CENPP: variants seen among roughly 807,000 people sequenced by gnomAD.
CENPP encodes centromere protein P.
CENPP carries 24 observed loss-of-function variants against 35.6 expected under a neutral mutation model. The ratio of observed to expected loss-of-function variants is 0.67; its 90% confidence interval spans 0.49 to 0.95. The LOEUF (loss-of-function observed/expected upper bound fraction) is 0.95. CENPP is among the 40% of genes least tolerant of loss of function. CENPP has a pLI of 0.00. For missense variants in CENPP, 332 were observed against 345.3 expected, an observed-to-expected ratio of 0.96 and a Z score of 0.31; for synonymous variants, 120 against 125.5, an observed-to-expected ratio of 0.96 and a Z score of 0.29.
chr9:92,378,527 C>T (rs1388223914), intron 4 of CENPP, among the ~76,000 whole-genome samples: 1 of 152,144 alleles, frequency 6.6e-6, no homozygotes, highest in Non-Finnish European at 1.5e-5. Context: ...TTTCTTCATT[C>T]CACATTTCAG....
Position 92,339,483 on chromosome 9 carries a change from A to G in CENPP, c.378+1854A>G, listed in dbSNP as rs1280479550. Among the ~76,000 whole-genome samples the G allele has an allele frequency of 2.6e-5, 4 of 151,756 alleles. No individual in the cohort carries two copies. The East Asian group carries it at 7.7e-4, about 29-fold the overall frequency. ...GCTGAGGATGGGCTAGGGGTTGTCT[A>G]GACCCCCTCATTTGATGGCAAAGCT... On this transcript the variant is annotated intron_variant, in intron 3 of 7. Coordinates refer to ENST00000375587, the MANE Select transcript of CENPP (RefSeq NM_001012267.3).
At chr9:92,488,916 C>T (rs1846119669) in intron 5 of CENPP, among the ~76,000 whole-genome samples, 1 of 152,152 alleles carries the variant, frequency 6.6e-6, no homozygotes, top group East Asian at 1.9e-4. Context: ...TGTGTGGATT[C>T]ACATTCTTCA....
chr9:92,563,169 A>G (rs544853845), intron 5 of CENPP, among the ~76,000 whole-genome samples: 7 of 152,184 alleles, frequency 4.6e-5, no homozygotes, highest in Non-Finnish European at 8.8e-5. Flanking sequence ...TACAAGGATT[A>G]TTCTTTTAAA....
At chr9:92,514,858 T>C in intron 5 of CENPP, 1 of 1,612,424 alleles carries the variant, frequency 6.2e-7, no homozygotes, top group South Asian at 1.1e-5. Context: ...ACCCTCCTCC[T>C]CCTCATCCTC....
chr9:92,553,665 A>G (rs1366915244), intron 5 of CENPP, among the ~76,000 whole-genome samples: 1 of 151,918 alleles, frequency 6.6e-6, no homozygotes. Context: ...TTATTTATTT[A>G]TTTTTGCAGT....
chr9:92,497,685 A>G (rs928535060), intron 5 of CENPP, among the ~76,000 whole-genome samples: 5 of 151,654 alleles, frequency 3.3e-5, no homozygotes, highest in Admixed American at 2.6e-4. Context: ...CACATACCCC[A>G]TAAGGTTTGG....
intron 5 of CENPP, chr9:92,495,821 G>C: frequency 1.0e-6 from 1 of 958,102 alleles, no homozygotes; most frequent in Non-Finnish European, 1.2e-6. Flanking sequence ...ATTTATACCA[G>C]TAATTATAGC....
At chr9:92,546,679 G>A (rs1179281650) in intron 5 of CENPP, among the ~76,000 whole-genome samples, 1 of 152,130 alleles carries the variant, frequency 6.6e-6, no homozygotes, top group Non-Finnish European at 1.5e-5. Context: ...CACCGTGAGG[G>A]TCCGCGGCTT....
chr9:92,403,204 G>A (rs1313221647), intron 5 of CENPP: 1 of 1,445,484 alleles, frequency 6.9e-7, no homozygotes, highest in Non-Finnish European at 9.5e-7. Context: ...CAGTATTTTA[G>A]AAGCTAAATT....
intron 4 of CENPP, among the ~76,000 whole-genome samples, chr9:92,376,217 A>G (rs7043152): frequency 0.41 from 61,650 of 152,086 alleles, 14,770 homozygotes; most frequent in African/African-American, 0.66. Flanking sequence ...TTATTCCCCA[A>G]AGATTCTCAT....
rs906318248 is a variant in CENPP at position 92,325,962 on chromosome 9, G to A, written c.-37G>A. 1.6e-5 allele frequency: 25 copies of A among 1,517,406 alleles called. No individual in the cohort carries two copies. The highest frequency in any genetic ancestry group is 2.1e-5 in the Non-Finnish European group (24 of 1,118,200). 94.0% of individuals were successfully genotyped at this position (1,517,406 alleles called of 1,614,324 possible). The stretch of plus-strand genomic sequence containing the variant: ...GTGAAGCGCGCAGGTCGGAGTGACA[G>A]CTGCGCTGCCGGCCCGGCTGCGGTC... On this transcript the variant is annotated 5_prime_UTR_variant, in exon 1 of 8. Coordinates refer to ENST00000375587, the MANE Select transcript of CENPP (RefSeq NM_001012267.3).
rs1239417848 is a variant in CENPP, at chr9:92,459,003, A to G, written c.564+79144A>G. Among the ~76,000 whole-genome samples, 3 of 152,308 alleles carry G rather than the reference A, an allele frequency of 2.0e-5. No homozygotes were observed. In the East Asian group the frequency reaches 5.8e-4, roughly 29 times the overall value. ...GATGAAAACTTTTGTTCTTGGGAAG[A>G]TCTAAATCTTTATTAGATTCTCCAA... is the stretch of plus-strand genomic sequence containing the variant. On this transcript the variant is annotated intron_variant, in intron 5 of 7. Coordinates refer to ENST00000375587, the MANE Select transcript of CENPP (RefSeq NM_001012267.3).
At chr9:92,469,346 C>G (rs1845426414) in intron 5 of CENPP, among the ~76,000 whole-genome samples, 1 of 152,138 alleles carries the variant, frequency 6.6e-6, no homozygotes, top group Admixed American at 6.5e-5. Flanking sequence ...AGTGTGAGAG[C>G]TGGATTTTGT....
At chr9:92,546,274 G>C (rs1323222648) in intron 5 of CENPP, among the ~76,000 whole-genome samples, 1 of 152,174 alleles carries the variant, frequency 6.6e-6, no homozygotes, top group Non-Finnish European at 1.5e-5. Flanking sequence ...GATGTGGGTG[G>C]GGCCAGATAA....
intron 5 of CENPP, among the ~76,000 whole-genome samples, chr9:92,452,778 T>C (rs1404168402): frequency 3.3e-5 from 5 of 151,938 alleles, no homozygotes; most frequent in Non-Finnish European, 4.4e-5. Flanking sequence ...AATTTCAGAG[T>C]CTGTTATTGG....
intron 4 of CENPP, 79 bp downstream of exon 4, chr9:92,345,866 C>T: frequency 3.7e-6 from 3 of 805,560 alleles, no homozygotes; most frequent in Non-Finnish European, 6.2e-6. Flanking sequence ...ACCTTTTCCT[C>T]TTCTTAGTAA....
Position 92,385,680 on chromosome 9 carries a change from C to G in CENPP, c.564+5821C>G, listed in dbSNP as rs142523561. On this transcript the variant is annotated intron_variant, in intron 5 of 7. Coordinates refer to ENST00000375587, the MANE Select transcript of CENPP (RefSeq NM_001012267.3). ...AAATAAAACTGTTTGGATGCTTTCC[C>G]AGGACGATTGGATTGCCCTCCAGGC... 1.0e-3 allele frequency: 1,615 copies of G among 1,614,072 alleles called. 16 individuals carry two copies. The South Asian group carries it at 0.011, about 11-fold the overall frequency.
Position 92,616,240 on chromosome 9 carries a change from A to AG in CENPP, c.*3092dup, listed in dbSNP as rs1851429318. The stretch of plus-strand genomic sequence containing the variant: ...AATGGCCTCACACCCCAGCTCACAA[A>AG]GAGCACTCGTTCTGTGCACCTGTGA... On this transcript the variant is annotated 3_prime_UTR_variant, in exon 8 of 8. Transcript: ENST00000375587. 7 of 555,028 alleles carry AG rather than the reference A, an allele frequency of 1.3e-5. No homozygotes were observed. In the Admixed American group the frequency reaches 2.2e-4, roughly 17 times the overall value. The allele number at this position is 555,028 out of a possible 1,614,324, so 34.4% of individuals were successfully genotyped here.
chr9:92,390,593 C>T (rs892660621), intron 5 of CENPP, among the ~76,000 whole-genome samples: 3 of 144,372 alleles, frequency 2.1e-5, no homozygotes, highest in South Asian at 2.3e-4. Context: ...TGTGTGCGCG[C>T]GCGCGTACTT....
Sources: gnomAD v4.1 joint callset for allele counts (sites outside exome capture counted in the v4.1 genomes callset) on GRCh38, gnomAD v4.1.1 for gene constraint, MANE v1.5 for transcripts, NCBI Gene and HGNC (gene_info 2026-07-23, HGNC 2026-07-21) for gene names.